Variants in MYOM2 observed in about 807,000 individuals in gnomAD.
MYOM2 encodes the protein myomesin-2.
A neutral mutation model predicts 187.6 loss-of-function variants in MYOM2; 254 were observed. The observed-to-expected ratio is 1.35, with a 90% confidence interval of 1.22 to 1.50. The LOEUF (loss-of-function observed/expected upper bound fraction) is 1.50, where lower values mean the gene tolerates loss of function less well. Ranked by LOEUF, MYOM2 falls within the 40% of genes most tolerant of loss-of-function variation. MYOM2 has a pLI of 0.00. For missense variants in MYOM2, 2,796 were observed against 1,924.0 expected, an observed-to-expected ratio of 1.45 and a Z score of -8.48; for synonymous variants, 981 against 753.8, an observed-to-expected ratio of 1.30 and a Z score of -4.94.
intron 19 of MYOM2, among the ~76,000 whole-genome samples, 182 bp downstream of exon 19, chr8:2,099,165 C>G (rs945620890): frequency 6.6e-6 from 1 of 152,250 alleles, no homozygotes; most frequent in Admixed American, 6.5e-5. Context: ...GACCCAGCAT[C>G]TAGTTTGGGC....
At chr8:2,085,465 ACCG>A (rs1563444163) in intron 14 of MYOM2, 75 bp downstream of exon 14, 20 of 1,440,984 alleles carry the variant, frequency 1.4e-5, no homozygotes, top group African/African-American at 3.4e-5. Flanking sequence ...TGCGTGGCCC[ACCG>A]CTGTCGTGAT....
chr8:2,051,240 A>T (rs965392154), intron 2 of MYOM2, among the ~76,000 whole-genome samples: 15 of 152,212 alleles, frequency 9.9e-5, no homozygotes, highest in Non-Finnish European at 2.1e-4. Context: ...GGTAGGAGAG[A>T]AGTTAATGGG....
At chr8:2,105,954 C>T (rs1433063498) in intron 21 of MYOM2, among the ~76,000 whole-genome samples, 1 of 152,142 alleles carries the variant, frequency 6.6e-6, no homozygotes, top group East Asian at 1.9e-4. Flanking sequence ...ACAGTCATGG[C>T]AGAGGGCACT....
chr8:2,109,528 C>G lies in MYOM2; in HGVS notation c.3177C>G (p.Ser1059Arg). The change falls in exon 25 of 37, where the codon AGC becomes AGG. Residue 1059 changes from serine (S) to arginine (R), a missense_variant. Transcript: ENST00000262113. ...FIINDREVSD[S>R]EIHRIKCDKA... ...TTAACGACAGAGAAGTCTCTGACAG[C>G]GAGGTGAGTTCCTGTGTGAGTGATC... is the stretch of plus-strand genomic sequence containing the variant. The G allele has an allele frequency of 1.9e-6, 3 of 1,609,704 alleles. No homozygotes were observed. Among genetic ancestry groups the G allele is most frequent in the Non-Finnish European group, 2.5e-6 (3 of 1,178,152 alleles).
intron 14 of MYOM2, 68 bp from the exon 15 acceptor site, chr8:2,089,939 TC>T: frequency 6.8e-7 from 1 of 1,478,552 alleles, no homozygotes; most frequent in South Asian, 1.2e-5. Flanking sequence ...GAGCATTTCT[TC>T]CTCCTCCACA....
intron 32 of MYOM2, among the ~76,000 whole-genome samples, 197 bp from the exon 33 acceptor site, chr8:2,140,520 TTAAGTA>T: frequency 6.6e-6 from 1 of 152,204 alleles, no homozygotes; most frequent in East Asian, 1.9e-4. Flanking sequence ...CCTTTAAAAA[TTAAGTA>T]TCATTTAATT....
At chr8:2,054,423 A>G (rs564178480) in intron 3 of MYOM2, among the ~76,000 whole-genome samples, 7 of 152,306 alleles carry the variant, frequency 4.6e-5, no homozygotes, top group Admixed American at 2.0e-4. Context: ...GAATCTTGCA[A>G]GCCACCTGTC....
At chr8:2,070,338 A>G (rs1048837367) in intron 8 of MYOM2, among the ~76,000 whole-genome samples, 1 of 152,176 alleles carries the variant, frequency 6.6e-6, no homozygotes, top group Non-Finnish European at 1.5e-5. Context: ...GCAACGATGG[A>G]GGGTGGAGCC....
intron 28 of MYOM2, chr8:2,118,995 G>A (rs960603389): frequency 2.0e-4 from 30 of 152,424 alleles, no homozygotes; most frequent in African/African-American, 7.0e-4. Flanking sequence ...TGTACTGGAG[G>A]ACCGAGTGGG....
At chr8:2,144,380 A>G (rs945203367) in intron 36 of MYOM2, among the ~76,000 whole-genome samples, 1 of 152,236 alleles carries the variant, frequency 6.6e-6, no homozygotes, top group Non-Finnish European at 1.5e-5. Context: ...ATTACTTTCA[A>G]ATTCTTTAAT....
At position 2,090,110 on chromosome 8, in the gene MYOM2, T is replaced by C; in HGVS notation, c.1747T>C (p.Phe583Leu). The change falls in exon 15 of 37, where the codon TTC becomes CTC. Residue 583 changes from phenylalanine (F) to leucine (L), a missense_variant. Coordinates refer to ENST00000262113, the MANE Select transcript of MYOM2 (RefSeq NM_003970.4). ...FDLMEGKSYVFRVLSANRHGL... is the reference protein window; with the variant it reads ...FDLMEGKSYVLRVLSANRHGL... ...CCTCATGGAAGGGAAGTCTTATGTG[T>C]TCCGAGTGCTGTCAGCAAACCGGCA... The C allele has an allele frequency of 6.2e-7, 1 of 1,614,028 alleles. No homozygotes were observed. The highest frequency in any genetic ancestry group is 1.7e-5 in the Admixed American group (1 of 60,002).
intron 25 of MYOM2, among the ~76,000 whole-genome samples, chr8:2,112,663 G>A (rs1797106065): frequency 2.0e-5 from 3 of 152,142 alleles, no homozygotes; most frequent in African/African-American, 7.2e-5. Context: ...GAACCAAGTG[G>A]CCAGTTTGCT....
At chr8:2,100,145 C>CTTCT (rs1554426963) in intron 19 of MYOM2, among the ~76,000 whole-genome samples, 113 of 135,450 alleles carry the variant, frequency 8.3e-4, no homozygotes, top group African/African-American at 3.2e-3. Context: ...TCCTTCCTTC[C>CTTCT]TTCCTTCCTT....
At chr8:2,057,931 C>T (rs533307163) in intron 5 of MYOM2, 151 bp downstream of exon 5, 27 of 714,664 alleles carry the variant, frequency 3.8e-5, no homozygotes, top group African/African-American at 1.1e-4. Context: ...AAGCTCTGAA[C>T]GTTCACTTTA....
At chr8:2,125,570 T>A (rs962553799) in intron 31 of MYOM2, among the ~76,000 whole-genome samples, 8 of 151,716 alleles carry the variant, frequency 5.3e-5, no homozygotes, top group African/African-American at 1.9e-4. Context: ...TTAGAGGCTT[T>A]CCTAGTTGCA....
intron 6 of MYOM2, among the ~76,000 whole-genome samples, chr8:2,062,605 G>T (rs915217488): frequency 3.9e-5 from 6 of 152,310 alleles, no homozygotes; most frequent in Middle Eastern, 3.4e-3. Flanking sequence ...CCCTCTCCAA[G>T]TTTTTCAGAG....
chr8:2,060,743 TGTTC>T (rs1215157096), intron 6 of MYOM2, among the ~76,000 whole-genome samples: 23 of 50,568 alleles, frequency 4.5e-4, no homozygotes, highest in Non-Finnish European at 8.3e-4. Flanking sequence ...AGTCTTGCTC[TGTTC>T]GTTTGTTTGT....
intron 17 of MYOM2, among the ~76,000 whole-genome samples, chr8:2,095,003 A>G (rs1190587498): frequency 6.6e-6 from 1 of 152,186 alleles, no homozygotes; most frequent in African/African-American, 2.4e-5. Flanking sequence ...GCCACATGGG[A>G]CACCCTTGGA....
In MYOM2 at chr8:2,068,506, G is replaced by A. The variant is rs957212402; in HGVS notation, c.654-772G>A. ...AGCTCTTCAATGCCCGTGTGCACCA[G>A]GCAGAGAGCATCCTGGGTACAGCTC... On this transcript the variant is annotated intron_variant, in intron 6 of 36. Coordinates refer to ENST00000262113, the MANE Select transcript of MYOM2 (RefSeq NM_003970.4). 6.0e-5 allele frequency among the ~76,000 whole-genome samples: 9 copies of A among 150,696 alleles called. 1 individual carries two copies. The highest frequency in any genetic ancestry group is 7.0e-3 in the Middle Eastern group (2 of 284).
Sources: allele counts gnomAD v4.1 joint callset (sites outside exome capture counted in the v4.1 genomes callset), GRCh38; gene constraint gnomAD v4.1.1; transcripts MANE v1.5; gene names NCBI Gene and HGNC (gene_info 2026-07-23, HGNC 2026-07-21).